TCF3: variants seen among roughly 807,000 people sequenced by gnomAD.
The protein encoded by TCF3 is transcription factor 3, also known as transcription factor E2-alpha.
In TCF3, 54 loss-of-function variants were observed where a neutral mutation model predicts 72.3. The ratio of observed to expected loss-of-function variants is 0.75; its 90% CI spans 0.60 to 0.94. TCF3 has a LOEUF of 0.94. TCF3 is among the 40% of genes least tolerant of loss of function. TCF3 has a pLI of 0.00. For missense variants in TCF3, 1,078 were observed against 934.4 expected (o/e 1.15, Z -2.00); for synonymous variants, 525 against 412.6 (o/e 1.27, Z -3.30).
Position 1,615,970 on chromosome 19 carries a change from G to A in TCF3, c.1451-149C>T. On this transcript the variant is annotated intron_variant, in intron 16 of 18. Coordinates refer to ENST00000262965, the MANE Select transcript of TCF3 (RefSeq NM_003200.5). This position sits in a 1 kb window ranked among gnomAD's most constrained non-coding sequence, Gnocchi z 7.3. ...AACAAAAAACCAACAACCAGAACTG[G>A]ATCCCTACCTCACGCCATGTGTAGC... 1 of 907,062 alleles carries A rather than the reference G, an allele frequency of 1.1e-6. No individual in the cohort carries two copies. The highest frequency in any genetic ancestry group is 3.2e-5 in the Admixed American group (1 of 30,924). 56.2% of individuals were successfully genotyped at this position (907,062 alleles called of 1,614,324 possible). A position where few individuals can be genotyped will look rare whatever the true frequency, so the allele number is the denominator to read the frequency against.
rs373162044 is a variant in TCF3 at position 1,632,159 on chromosome 19, A to G, written c.220-43T>C. 3.3e-5 allele frequency: 53 copies of G among 1,596,748 alleles called. No individual in the cohort carries two copies. The African/African-American group carries it at 6.3e-4, about 19-fold the overall frequency. On this transcript the variant is annotated intron_variant, in intron 4 of 18. Coordinates refer to ENST00000262965, the MANE Select transcript of TCF3 (RefSeq NM_003200.5). ...GGGATGAGAGGTGCTGGGGCTTCAC[A>G]GGCCCCCCCTCCACCCCGCATTACA...
At chr19:1,626,179 G>A (rs543161136) in intron 6 of TCF3, among the ~76,000 whole-genome samples, 35 of 152,282 alleles carry the variant, frequency 2.3e-4, no homozygotes, top group Non-Finnish European at 2.6e-4. Flanking sequence ...GGCCGGGCAC[G>A]GTGGCTCACA....
rs529580309 is a variant in TCF3 at position 1,611,010 on chromosome 19, A to G, written c.*697T>C. On this transcript the variant is annotated 3_prime_UTR_variant, in exon 19 of 19. Coordinates refer to ENST00000262965, the MANE Select transcript of TCF3 (RefSeq NM_003200.5). The stretch of plus-strand genomic sequence containing the variant: ...ATCATCTGGTTGATCAAGAAATGCA[A>G]TGCTCAGTCTAGGAACAGCAGCAGA... 1 of 227,670 alleles carries G rather than the reference A, an allele frequency of 4.4e-6. No homozygotes were observed. The highest frequency in any genetic ancestry group is 1.8e-4 in the South Asian group (1 of 5,424). 14.1% of individuals were successfully genotyped at this position (227,670 alleles called of 1,614,324 possible).
In TCF3 at chr19:1,614,249, T is replaced by C. The variant is rs895438306; in HGVS notation, c.1822+1036A>G. The stretch of plus-strand genomic sequence containing the variant: ...GGCCTGAGGGGATCCCTCCAGGTGG[T>C]GGGGGCGGCCCCTGGAGCCCAGGAC... On this transcript the variant is annotated intron_variant, in intron 18 of 18. Transcript: ENST00000262965. This position sits in a 1 kb window ranked among gnomAD's most constrained non-coding sequence, Gnocchi z 5.6. Among the ~76,000 whole-genome samples the C allele has an allele frequency of 1.3e-5, 2 of 152,122 alleles. No individual in the cohort carries two copies. The highest frequency in any genetic ancestry group is 2.9e-5 in the Non-Finnish European group (2 of 68,002).
Position 1,622,418 on chromosome 19 carries a change from G to GGGGGGGGGGT in TCF3, c.550-4_550-3insACCCCCCCCC. On this transcript the variant is annotated splice_region_variant and splice_polypyrimidine_tract_variant and intron_variant, in intron 8 of 18. Transcript: ENST00000262965. ...TCACCTGAGCTGGGTGGGTACACCT[G>GGGGGGGGGGT]CGGGCGGGTGGGCGGTGGGGGGTGC... 6.9e-7 allele frequency: 1 copy of GGGGGGGGGGT among 1,449,022 alleles called. No homozygotes were observed. The highest frequency in any genetic ancestry group is 9.1e-7 in the Non-Finnish European group (1 of 1,096,330). The allele number at this position is 1,449,022 out of a possible 1,614,324, so 89.8% of individuals were successfully genotyped here. A position where few individuals can be genotyped will look rare whatever the true frequency, so the allele number is the denominator to read the frequency against.
rs563865271 is a variant in TCF3, at chr19:1,620,948, C to A, written c.1093+20G>T. The stretch of plus-strand genomic sequence containing the variant: ...CCCTCACAGACCTCAGCCTCCCCTC[C>A]CCCCAAAACCCTCACAGACCTGCCA... On this transcript the variant is annotated intron_variant, in intron 13 of 18. Coordinates refer to ENST00000262965, the MANE Select transcript of TCF3 (RefSeq NM_003200.5). The A allele has an allele frequency of 8.6e-5, 126 of 1,471,636 alleles. No homozygotes were observed. Among genetic ancestry groups the A allele is most frequent in the Admixed American group, 8.7e-5 (3 of 34,382 alleles). 91.2% of individuals were successfully genotyped at this position (1,471,636 alleles called of 1,614,324 possible). A position where few individuals can be genotyped will look rare whatever the true frequency, so the allele number is the denominator to read the frequency against.
intron 3 of TCF3, among the ~76,000 whole-genome samples, chr19:1,636,603 A>G (rs1568456606): frequency 6.6e-6 from 1 of 152,090 alleles, no homozygotes; most frequent in Non-Finnish European, 1.5e-5. Flanking sequence ...ATTTTATCTA[A>G]ATTCAAGCTA....
In TCF3 at chr19:1,614,468, G is replaced by A. The variant is rs866497396; in HGVS notation, c.1822+817C>T. Among the ~76,000 whole-genome samples, 1 of 152,220 alleles carries A rather than the reference G, an allele frequency of 6.6e-6. No individual in the cohort carries two copies. Among genetic ancestry groups the A allele is most frequent in the Non-Finnish European group, 1.5e-5 (1 of 68,030 alleles). Reference sequence around the variant, plus strand: ...AGCAGAGGGACGGACGGGCGGGATGGAGGGGAGGGCGGAAGGCAGACAGCA... The same window carrying A: ...AGCAGAGGGACGGACGGGCGGGATGAAGGGGAGGGCGGAAGGCAGACAGCA... On this transcript the variant is annotated intron_variant, in intron 18 of 18. Coordinates refer to ENST00000262965, the MANE Select transcript of TCF3 (RefSeq NM_003200.5). The surrounding 1 kb of genome is among the most constrained non-coding windows in gnomAD (Gnocchi z 5.6).
At position 1,619,254 on chromosome 19, in the gene TCF3, G is replaced by A. The variant is rs775254822; in HGVS notation, c.1327-20C>T. On this transcript the variant is annotated intron_variant, in intron 15 of 18. Transcript: ENST00000262965. ...TCCAACCTGCAGGCGTGGGGAGACG[G>A]GTGCATCAGGGGGAGCCGGGTCCCC... is the stretch of plus-strand genomic sequence containing the variant. 4 of 1,581,752 alleles carry A rather than the reference G, an allele frequency of 2.5e-6. No homozygotes were observed. The South Asian group carries it at 3.4e-5, about 13-fold the overall frequency.
Position 1,624,124 on chromosome 19 carries a change from G to A in TCF3, c.500-124C>T, listed in dbSNP as rs937272666. The A allele has an allele frequency of 4.3e-6, 4 of 921,728 alleles. No homozygotes were observed. The African/African-American group carries it at 6.6e-5, about 15-fold the overall frequency. The allele number at this position is 921,728 out of a possible 1,614,324, so 57.1% of individuals were successfully genotyped here. A position where few individuals can be genotyped will look rare whatever the true frequency, so the allele number is the denominator to read the frequency against. On this transcript the variant is annotated intron_variant, in intron 7 of 18. Coordinates refer to ENST00000262965, the MANE Select transcript of TCF3 (RefSeq NM_003200.5). ...ATTAAAAACCTCGGGTCGGCTGGGTGCGGTGCCTCATGCCTGTAATACCAG... is the reference window on the plus strand; with the variant it reads ...ATTAAAAACCTCGGGTCGGCTGGGTACGGTGCCTCATGCCTGTAATACCAG...
rs11882730 is a variant in TCF3 at position 1,627,815 on chromosome 19, A to G, written c.299-389T>C. Among the ~76,000 whole-genome samples the G allele has an allele frequency of 1.4e-3, 143 of 104,358 alleles. 1 individual carries two copies. Among genetic ancestry groups the G allele is most frequent in the African/African-American group, 5.1e-3 (115 of 22,440 alleles). The allele number at this position is 104,358 out of a possible 152,430, so 68.5% of individuals were successfully genotyped here. A position where few individuals can be genotyped will look rare whatever the true frequency, so the allele number is the denominator to read the frequency against. On this transcript the variant is annotated intron_variant, in intron 5 of 18. Coordinates refer to ENST00000262965, the MANE Select transcript of TCF3 (RefSeq NM_003200.5). ...GGGACAGCAGAGCTCACAGGGGGTG[A>G]GGCGGGAAGGGGACAGCAGAGCTCA...
chr19:1,651,161 A>AC (rs1328393754), intron 1 of TCF3: 2 of 231,084 alleles, frequency 8.7e-6, no homozygotes, highest in African/African-American at 4.4e-5. Flanking sequence ...GACCCATTCC[A>AC]CCCCCAGAAA....
intron 5 of TCF3, among the ~76,000 whole-genome samples, chr19:1,629,587 C>G (rs1172733855): frequency 6.6e-6 from 1 of 152,032 alleles, no homozygotes; most frequent in Non-Finnish European, 1.5e-5. Flanking sequence ...CCTGCCGGGG[C>G]GAGCCCCCAG....
At position 1,632,163 on chromosome 19, in the gene TCF3, C is replaced by A. The variant is rs886740376; in HGVS notation, c.220-47G>T. 16 of 1,588,046 alleles carry A rather than the reference C, an allele frequency of 1.0e-5. No individual in the cohort carries two copies. In the East Asian group the frequency reaches 1.2e-4, roughly 11 times the overall value. ...TGAGAGGTGCTGGGGCTTCACAGGC[C>A]CCCCCTCCACCCCGCATTACAGCTG... On this transcript the variant is annotated intron_variant, in intron 4 of 18. Transcript: ENST00000262965.
intron 6 of TCF3, among the ~76,000 whole-genome samples, chr19:1,626,634 T>C (rs557935827): frequency 1.5e-3 from 224 of 152,036 alleles, no homozygotes; most frequent in Admixed American, 3.1e-3. Flanking sequence ...TAGTTCTGCT[T>C]CTCGGATGGG....
chr19:1,638,170 T>A (rs1450853087), intron 3 of TCF3, among the ~76,000 whole-genome samples: 1 of 152,184 alleles, frequency 6.6e-6, no homozygotes, highest in Non-Finnish European at 1.5e-5. Context: ...TGGGGGCACT[T>A]TGTGAGTTCT....
At chr19:1,629,401 A>C (rs1027142386) in intron 5 of TCF3, among the ~76,000 whole-genome samples, 1 of 152,136 alleles carries the variant, frequency 6.6e-6, no homozygotes. Flanking sequence ...CCTGCACCCC[A>C]CCAATGAGCA....
chr19:1,626,984 T>C (rs1197530207), intron 6 of TCF3, among the ~76,000 whole-genome samples: 1 of 152,142 alleles, frequency 6.6e-6, no homozygotes. Context: ...TCCCCCAGCC[T>C]CACAACCAGG....
chr19:1,639,709 C>T (rs553371055), intron 3 of TCF3, among the ~76,000 whole-genome samples: 1 of 133,718 alleles, frequency 7.5e-6, no homozygotes, highest in African/African-American at 2.8e-5. Flanking sequence ...CAACTTGGAA[C>T]TCAGAAACCT....
Sources: allele counts gnomAD v4.1 joint callset (sites outside exome capture counted in the v4.1 genomes callset), GRCh38; gene constraint gnomAD v4.1.1; non-coding constraint Gnocchi (gnomAD v3.1); transcripts MANE v1.5; gene names NCBI Gene and HGNC (gene_info 2026-07-23, HGNC 2026-07-21).